The following CFAP299 variants were observed in gnomAD, a reference collection of about 807,000 sequenced individuals.
The protein encoded by CFAP299 is cilia- and flagella-associated protein 299.
In CFAP299, 21 loss-of-function variants were observed where a neutral mutation model predicts 27.0. That is an observed-to-expected ratio of 0.78 (90% CI 0.55 to 1.12). The LOEUF (loss-of-function observed/expected upper bound fraction) is 1.12. CFAP299 is among the 50% of genes most tolerant of loss of function. The probability of loss-of-function intolerance (pLI) is 0.00; values close to 1 mark genes in which losing one functional copy is unlikely to be tolerated. For missense variants in CFAP299, 310 were observed against 276.6 expected (o/e 1.12, Z -0.86); for synonymous variants, 104 against 98.1 (o/e 1.06, Z -0.36).
At chr4:80,324,160 C>T in the CFAP299 span, among the ~76,000 whole-genome samples, 18 of 152,038 alleles carry the variant, frequency 1.2e-4, no homozygotes, top group Admixed American at 9.8e-4. Context: ...CGATAGGCCC[C>T]GGTATGTGAT....
chr4:80,662,495 G>A (rs1740905042), intron 3 of CFAP299, among the ~76,000 whole-genome samples: 1 of 152,106 alleles, frequency 6.6e-6, no homozygotes, highest in African/African-American at 2.4e-5. Context: ...GCATCTCAGG[G>A]GAGGTAAGTA....
chr4:80,671,560 C>A (rs533084938), intron 3 of CFAP299, among the ~76,000 whole-genome samples: 9 of 152,216 alleles, frequency 5.9e-5, no homozygotes, highest in African/African-American at 1.9e-4. Flanking sequence ...ATGGGGATGG[C>A]ATTGAATCTA....
intron 3 of CFAP299, among the ~76,000 whole-genome samples, chr4:80,722,978 G>A (rs545423756): frequency 6.6e-6 from 1 of 152,070 alleles, no homozygotes; most frequent in Admixed American, 6.6e-5. Flanking sequence ...CAGATGGATG[G>A]CAATAAACAC....
intron 4 of CFAP299, among the ~76,000 whole-genome samples, chr4:80,901,585 A>G (rs1366814210): frequency 6.6e-6 from 1 of 152,060 alleles, no homozygotes; most frequent in Non-Finnish European, 1.5e-5. Context: ...AGCCTGTTTT[A>G]TTTACTTGTA....
intron 3 of CFAP299, among the ~76,000 whole-genome samples, chr4:80,586,267 A>G (rs1035471376): frequency 3.3e-5 from 5 of 152,060 alleles, no homozygotes; most frequent in Non-Finnish European, 1.5e-5. Flanking sequence ...AATAAATTTT[A>G]TAATAAAGGA....
At chr4:80,962,587 A>G (rs11099454) in intron 5 of CFAP299, among the ~76,000 whole-genome samples, 122,725 of 151,728 alleles carry the variant, frequency 0.81, 50,017 homozygotes, top group East Asian at 0.95. Context: ...TTGTAAAATA[A>G]CACAAAAACA....
At chr4:80,556,048 A>G (rs970592492) in intron 2 of CFAP299, among the ~76,000 whole-genome samples, 1 of 152,090 alleles carries the variant, frequency 6.6e-6, no homozygotes, top group Non-Finnish European at 1.5e-5. Context: ...GCAACATTTC[A>G]AACAACAAAA....
chr4:80,447,428 C>T (rs1166572850), intron 2 of CFAP299, among the ~76,000 whole-genome samples: 1 of 149,898 alleles, frequency 6.7e-6, no homozygotes, highest in African/African-American at 2.5e-5. Flanking sequence ...AGCCACCGCG[C>T]CCGGCCTATT....
At chr4:80,562,657 CAATAATAATAATAAT>C (rs144281838) in intron 2 of CFAP299, among the ~76,000 whole-genome samples, 13 of 140,840 alleles carry the variant, frequency 9.2e-5, no homozygotes, top group East Asian at 2.1e-4. Context: ...GACTCAATTT[CAATAATAATAATAAT>C]AATAATAATA....
chr4:80,735,887 C>A (rs1210264283), intron 3 of CFAP299, among the ~76,000 whole-genome samples: 2 of 151,960 alleles, frequency 1.3e-5, no homozygotes, highest in Non-Finnish European at 2.9e-5. Context: ...GGATAATGGT[C>A]TTTGGTTTTC....
At chr4:80,325,625 G>A in the CFAP299 span, among the ~76,000 whole-genome samples, 2 of 152,160 alleles carry the variant, frequency 1.3e-5, no homozygotes, top group Non-Finnish European at 2.9e-5. Context: ...TTCCAAATTA[G>A]CCATTTTAAT....
intron 4 of CFAP299, among the ~76,000 whole-genome samples, chr4:80,934,273 A>G (rs1736773740): frequency 6.6e-6 from 1 of 152,120 alleles, no homozygotes; most frequent in African/African-American, 2.4e-5. Context: ...TCCTACTTGC[A>G]AATAGTGTAT....
intron 1 of CFAP299, among the ~76,000 whole-genome samples, chr4:80,341,132 C>T (rs1386773635): frequency 4.6e-5 from 7 of 152,158 alleles, no homozygotes; most frequent in Non-Finnish European, 1.0e-4. Flanking sequence ...GCAGGGGCCT[C>T]CCTGCAGGAA....
At chr4:80,715,461 G>A (rs537825966) in intron 3 of CFAP299, among the ~76,000 whole-genome samples, 1 of 151,968 alleles carries the variant, frequency 6.6e-6, no homozygotes, top group African/African-American at 2.4e-5. Flanking sequence ...GTTTTGTGAT[G>A]GCAGACATTT....
chr4:80,829,092 A>G (rs938043496), intron 3 of CFAP299, among the ~76,000 whole-genome samples: 2 of 152,066 alleles, frequency 1.3e-5, no homozygotes, highest in Non-Finnish European at 2.9e-5. Context: ...GGCCACGAAC[A>G]TTAAAAACTT....
chr4:80,516,974 C>G (rs1732619882), intron 2 of CFAP299, among the ~76,000 whole-genome samples: 1 of 152,140 alleles, frequency 6.6e-6, no homozygotes, highest in Non-Finnish European at 1.5e-5. Context: ...ATTCACAGCT[C>G]TATCTTCAGT....
intron 2 of CFAP299, chr4:80,386,515 G>T (rs879418605): frequency 2.9e-5 from 42 of 1,430,666 alleles, no homozygotes; most frequent in African/African-American, 6.3e-5. Flanking sequence ...GCGGTGGTGG[G>T]GGGGGGGGGT....
intron 3 of CFAP299, among the ~76,000 whole-genome samples, chr4:80,589,222 CCA>C (rs1736599072): frequency 6.6e-6 from 1 of 152,046 alleles, no homozygotes; most frequent in South Asian, 2.1e-4. Context: ...ACAAAACAAG[CCA>C]CAGAGAGGTT....
chr4:80,345,743 A>C (rs1444556465), intron 1 of CFAP299, among the ~76,000 whole-genome samples: 3 of 152,144 alleles, frequency 2.0e-5, no homozygotes, highest in Non-Finnish European at 2.9e-5. Context: ...ATATGTGTGC[A>C]TGTGTCTTTA....
Sources: gnomAD v4.1 joint callset for allele counts (sites outside exome capture counted in the v4.1 genomes callset) on GRCh38, gnomAD v4.1.1 for gene constraint, MANE v1.5 for transcripts, NCBI Gene and HGNC (gene_info 2026-07-23, HGNC 2026-07-21) for gene names.